The following TMEM200A variants were observed in gnomAD, a reference collection of about 807,000 sequenced individuals.
TMEM200A encodes the protein transmembrane protein 200A.
A neutral mutation model predicts 24.3 loss-of-function variants in TMEM200A; 12 were observed. The observed-to-expected ratio is 0.49, with a 90% CI of 0.32 to 0.80. The LOEUF is 0.80. TMEM200A is among the 30% of genes least tolerant of loss of function. The probability of loss-of-function intolerance (pLI) is 0.04; values close to 1 mark genes in which losing one functional copy is unlikely to be tolerated. For missense variants in TMEM200A, 545 were observed against 614.4 expected (o/e 0.89, Z 1.19); for synonymous variants, 224 against 224.4 (o/e 1.00, Z 0.02).
At chr6:130,374,549 G>A (rs1191404883) in intron 1 of TMEM200A, among the ~76,000 whole-genome samples, 1 of 151,932 alleles carries the variant, frequency 6.6e-6, no homozygotes, top group African/African-American at 2.4e-5. Context: ...CCGAGTAGCT[G>A]GGATTACAGG....
chr6:130,440,710 A>G lies in TMEM200A; in HGVS notation c.288A>G (p.Thr96=), dbSNP rs79097063. ...AACATTTTATTGATGCTGAAACAAC[A>G]CTGTCAACAAATGAAACTCAGGTCA... ...QKEHFIDAET[T]LSTNETQVIR... Residue 96 remains threonine (T), a synonymous_variant, in exon 3 of 3, where the codon ACA becomes ACG. Transcript: ENST00000296978. 6.2e-7 allele frequency: 1 copy of G among 1,614,096 alleles called. No homozygotes were observed. Among genetic ancestry groups the G allele is most frequent in the Admixed American group, 1.7e-5 (1 of 60,020 alleles).
Position 130,441,078 on chromosome 6 carries a change from G to A in TMEM200A, c.656G>A (p.Ser219Asn), listed in dbSNP as rs139852226. The A allele has an allele frequency of 6.2e-7, 1 of 1,614,012 alleles. No individual in the cohort carries two copies. The highest frequency in any genetic ancestry group is 8.5e-7 in the Non-Finnish European group (1 of 1,179,988). ...GCCTCTTTCTCGGGTTTTCGGAGCA[G>A]TTTTCGAATGGACAGCTCCGTGGAG... ...TIASFSGFRSSFRMDSSVEED... is the reference protein window; with the variant it reads ...TIASFSGFRSNFRMDSSVEED... The change falls in exon 3 of 3, where the codon AGT (serine) becomes AAT (asparagine). Residue 219 changes from serine to asparagine, a missense_variant. Transcript: ENST00000296978.
intron 1 of TMEM200A, among the ~76,000 whole-genome samples, chr6:130,382,308 G>T (rs748503892): frequency 6.6e-6 from 1 of 152,226 alleles, no homozygotes; most frequent in Non-Finnish European, 1.5e-5. Flanking sequence ...CTTTCGGCTC[G>T]CACTTGCCTC....
intron 2 of TMEM200A, among the ~76,000 whole-genome samples, chr6:130,423,521 C>T (rs1474072133): frequency 6.6e-6 from 1 of 152,046 alleles, no homozygotes; most frequent in Admixed American, 6.6e-5. Flanking sequence ...TGCCGAATTA[C>T]CCCCTAGAAA....
At chr6:130,397,904 TTTTTA>T (rs1315929763) in intron 2 of TMEM200A, among the ~76,000 whole-genome samples, 5 of 151,698 alleles carry the variant, frequency 3.3e-5, no homozygotes, top group Admixed American at 1.3e-4. Context: ...TATAGTAATA[TTTTTA>T]TTTTAGTGGG....
At chr6:130,387,658 T>A (rs1227684914) in intron 2 of TMEM200A, among the ~76,000 whole-genome samples, 1 of 152,208 alleles carries the variant, frequency 6.6e-6, no homozygotes, top group African/African-American at 2.4e-5. Flanking sequence ...GCTTCTTAAG[T>A]CTTGTTTGCA....
chr6:130,424,727 GC>G (rs1318782748), intron 2 of TMEM200A, among the ~76,000 whole-genome samples: 3 of 152,244 alleles, frequency 2.0e-5, no homozygotes, highest in East Asian at 1.9e-4. Context: ...GGGTGGGGGA[GC>G]CATGATGGTG....
At position 130,420,727 on chromosome 6, in the gene TMEM200A, T is replaced by A. The variant is rs555998063; in HGVS notation, c.-16-19680T>A. 1.7e-4 allele frequency among the ~76,000 whole-genome samples: 26 copies of A among 152,232 alleles called. No individual in the cohort carries two copies. The South Asian group carries it at 2.1e-3, about 12-fold the overall frequency. ...AGCAATGTCTTCAAGTAACAGTGAGTGAAGAACAGACTGAGTGAACAACAA... is the reference window on the plus strand; with the variant it reads ...AGCAATGTCTTCAAGTAACAGTGAGAGAAGAACAGACTGAGTGAACAACAA... On this transcript the variant is annotated intron_variant, in intron 2 of 2. Coordinates refer to ENST00000296978, the MANE Select transcript of TMEM200A (RefSeq NM_001258277.2).
intron 2 of TMEM200A, among the ~76,000 whole-genome samples, chr6:130,396,631 A>G (rs932978262): frequency 6.6e-6 from 1 of 152,128 alleles, no homozygotes; most frequent in Non-Finnish European, 1.5e-5. Flanking sequence ...CACATATTGT[A>G]TATATATGCA....
In TMEM200A at chr6:130,381,977, T is replaced by G. The variant is rs886477260; in HGVS notation, c.-80-3196T>G. The G allele has an allele frequency of 2.3e-5, 23 of 985,150 alleles. No homozygotes were observed. In the South Asian group the frequency reaches 8.0e-4, roughly 34 times the overall value. The allele number at this position is 985,150 out of a possible 1,614,324, so 61.0% of individuals were successfully genotyped here. A position where few individuals can be genotyped will look rare whatever the true frequency, so the allele number is the denominator to read the frequency against. On this transcript the variant is annotated intron_variant, in intron 1 of 2. Coordinates refer to ENST00000296978, the MANE Select transcript of TMEM200A (RefSeq NM_001258277.2). ...CTGCCATCTGGCTGCCTTGCTGAAG[T>G]GGCTCTCCTTCAAAGATAGTTTTAA...
At chr6:130,383,045 G>A in intron 1 of TMEM200A, 1 of 985,334 alleles carries the variant, frequency 1.0e-6, no homozygotes, top group Non-Finnish European at 1.2e-6. Context: ...ATGTTACACT[G>A]TGTTTGTGAC....
At chr6:130,402,557 T>G (rs1364236896) in intron 2 of TMEM200A, among the ~76,000 whole-genome samples, 1 of 152,076 alleles carries the variant, frequency 6.6e-6, no homozygotes, top group East Asian at 1.9e-4. Context: ...TTTCTATACC[T>G]TTGATATTTC....
intron 2 of TMEM200A, among the ~76,000 whole-genome samples, chr6:130,412,365 T>G (rs1779352613): frequency 6.6e-6 from 1 of 152,104 alleles, no homozygotes; most frequent in Non-Finnish European, 1.5e-5. Flanking sequence ...TGCCTCTCAC[T>G]GTCAGTGCTG....
chr6:130,388,941 G>A (rs1481238801), intron 2 of TMEM200A, among the ~76,000 whole-genome samples: 2 of 151,966 alleles, frequency 1.3e-5, no homozygotes, highest in African/African-American at 2.4e-5. Context: ...CCTAAATCAT[G>A]TTTTGAACAA....
chr6:130,372,275 T>C (rs992604129), intron 1 of TMEM200A, among the ~76,000 whole-genome samples: 1 of 152,108 alleles, frequency 6.6e-6, no homozygotes. Context: ...CTTTTAGACA[T>C]CTGAGTGTGA....
rs776562446 is a variant in TMEM200A, at chr6:130,441,023, T to C, written c.601T>C (p.Cys201Arg). 3 of 1,614,016 alleles carry C rather than the reference T, an allele frequency of 1.9e-6. No homozygotes were observed. Among genetic ancestry groups the C allele is most frequent in the Admixed American group, 3.3e-5 (2 of 60,020 alleles). The stretch of plus-strand genomic sequence containing the variant: ...AGAAGTAAAACAGAATGGGAGCTCC[T>C]GTGCCTCGAGATTGGCAGCAAATAC... ...ETEVKQNGSS[C>R]ASRLAANTIA... The change falls in exon 3 of 3, where the codon TGT becomes CGT. Residue 201 changes from cysteine to arginine, a missense_variant. Coordinates refer to ENST00000296978, the MANE Select transcript of TMEM200A (RefSeq NM_001258277.2).
At chr6:130,365,745 T>C, upstream of TMEM200A, 1 of 985,022 alleles carries the variant, frequency 1.0e-6, no homozygotes, top group Non-Finnish European at 1.2e-6. Context: ...CAAAGATGGG[T>C]TTTGTCTGCG....
intron 2 of TMEM200A, among the ~76,000 whole-genome samples, chr6:130,418,056 C>G (rs1205206178): frequency 6.6e-6 from 1 of 152,182 alleles, no homozygotes; most frequent in Non-Finnish European, 1.5e-5. Context: ...CCTCCAGACT[C>G]CTGCAGACCT....
At chr6:130,421,510 T>TTGTGTGTGTGTGTGTGTGTGTG (rs60156754) in intron 2 of TMEM200A, among the ~76,000 whole-genome samples, 15 of 149,034 alleles carry the variant, frequency 1.0e-4, no homozygotes, top group African/African-American at 3.2e-4. Context: ...ACAGTTACCT[T>TTGTGTGTGTGTGTGTGTGTGTG]TGTGTGTGTG....
Sources: allele counts gnomAD v4.1 joint callset (sites outside exome capture counted in the v4.1 genomes callset), GRCh38; gene constraint gnomAD v4.1.1; transcripts MANE v1.5; gene names NCBI Gene and HGNC (gene_info 2026-07-23, HGNC 2026-07-21).